LINGO2: variants seen among roughly 807,000 people sequenced by gnomAD.
LINGO2 encodes leucine rich repeat and Ig domain containing 2.
Under a neutral mutation model 30.6 loss-of-function variants are expected in LINGO2, and 14 were observed. The observed-to-expected ratio is 0.46, with a 90% CI of 0.30 to 0.72. The LOEUF is 0.72. LINGO2 is among the 30% of genes least tolerant of loss of function. The probability of loss-of-function intolerance (pLI) is 0.07; values close to 1 mark genes in which losing one functional copy is unlikely to be tolerated. For missense variants in LINGO2, 729 were observed against 751.7 expected (o/e 0.97, Z 0.35); for synonymous variants, 317 against 288.5 (o/e 1.10, Z -1.00).
chr9:27,997,643 A>C (rs1364754993), intron 5 of LINGO2, among the ~76,000 whole-genome samples: 1 of 152,220 alleles, frequency 6.6e-6, no homozygotes, highest in Non-Finnish European at 1.5e-5. Context: ...ATTTGCTTTT[A>C]TGAGTTTGCA....
At chr9:28,943,576 G>C in the LINGO2 span, among the ~76,000 whole-genome samples, 1 of 152,284 alleles carries the variant, frequency 6.6e-6, no homozygotes, top group Admixed American at 6.5e-5. Flanking sequence ...GTTAAGAAAG[G>C]CAAGGACTCT....
the LINGO2 span, among the ~76,000 whole-genome samples, chr9:28,761,587 G>C: frequency 6.6e-6 from 1 of 151,800 alleles, no homozygotes; most frequent in African/African-American, 2.4e-5. Flanking sequence ...ATAGTCTGAA[G>C]AAGATAATGT....
At chr9:28,360,282 G>T (rs1256091586) in intron 3 of LINGO2, among the ~76,000 whole-genome samples, 2 of 152,130 alleles carry the variant, frequency 1.3e-5, no homozygotes, top group African/African-American at 4.8e-5. Context: ...GCCAGAGAAA[G>T]GACTCCATCT....
chr9:28,674,219 A>C (rs1021442676), upstream of LINGO2, among the ~76,000 whole-genome samples: 2 of 152,058 alleles, frequency 1.3e-5, no homozygotes, highest in African/African-American at 4.8e-5. Context: ...ATGTAAATGC[A>C]ATTTATAAAA....
At chr9:28,435,408 A>G (rs750239933) in intron 2 of LINGO2, among the ~76,000 whole-genome samples, 11 of 152,204 alleles carry the variant, frequency 7.2e-5, no homozygotes, top group Non-Finnish European at 1.0e-4. Flanking sequence ...AAAACTTCTA[A>G]ATTAGCAAAA....
chr9:28,736,644 T>C, the LINGO2 span, among the ~76,000 whole-genome samples: 1 of 151,890 alleles, frequency 6.6e-6, no homozygotes, highest in Non-Finnish European at 1.5e-5. Flanking sequence ...TACAAAAAAT[T>C]AGCCGGGTGT....
intron 4 of LINGO2, among the ~76,000 whole-genome samples, chr9:28,259,282 C>A (rs1822485985): frequency 6.6e-6 from 1 of 151,970 alleles, no homozygotes; most frequent in Non-Finnish European, 1.5e-5. Flanking sequence ...AAGAATTAAC[C>A]TGCTTAAATG....
At chr9:28,078,286 T>C (rs1177278931) in intron 4 of LINGO2, among the ~76,000 whole-genome samples, 5 of 148,886 alleles carry the variant, frequency 3.4e-5, no homozygotes, top group Non-Finnish European at 7.4e-5. Flanking sequence ...GCAGGGCAAC[T>C]GAGAGGATGT....
chr9:28,684,118 G>T, the LINGO2 span, among the ~76,000 whole-genome samples: 1 of 132,084 alleles, frequency 7.6e-6, no homozygotes, highest in African/African-American at 2.8e-5. Context: ...TATTTCCATT[G>T]TATGCATCAA....
At chr9:27,982,412 C>T (rs896698871) in intron 5 of LINGO2, among the ~76,000 whole-genome samples, 1 of 151,772 alleles carries the variant, frequency 6.6e-6, no homozygotes, top group Non-Finnish European at 1.5e-5. Context: ...TATAGACATA[C>T]ATATAAACAC....
At chr9:28,321,869 A>G (rs1825055797) in intron 3 of LINGO2, among the ~76,000 whole-genome samples, 1 of 152,166 alleles carries the variant, frequency 6.6e-6, no homozygotes, top group South Asian at 2.1e-4. Flanking sequence ...GGATGTTAGG[A>G]CAGGCGATGG....
chr9:28,919,204 G>C, the LINGO2 span, among the ~76,000 whole-genome samples: 2 of 152,108 alleles, frequency 1.3e-5, no homozygotes, highest in African/African-American at 4.8e-5. Context: ...CATTATTAAT[G>C]AAGTGAAGCT....
At chr9:29,041,158 C>T in the LINGO2 span, among the ~76,000 whole-genome samples, 6 of 151,926 alleles carry the variant, frequency 3.9e-5, no homozygotes, top group Admixed American at 6.6e-5. Flanking sequence ...TTCACTCTTG[C>T]TTGCAATGAT....
chr9:28,093,458 C>A (rs1335991377), intron 4 of LINGO2, among the ~76,000 whole-genome samples: 1 of 152,016 alleles, frequency 6.6e-6, no homozygotes, highest in Non-Finnish European at 1.5e-5. Flanking sequence ...CACTGCGAAA[C>A]TTAAAGGAAG....
chr9:29,128,524 A>G, the LINGO2 span, among the ~76,000 whole-genome samples: 1 of 152,166 alleles, frequency 6.6e-6, no homozygotes, highest in East Asian at 1.9e-4. Context: ...AGTTGCATGT[A>G]TACAGGCTTT....
chr9:28,279,321 A>G (rs1370273071), intron 4 of LINGO2, among the ~76,000 whole-genome samples: 2 of 152,246 alleles, frequency 1.3e-5, no homozygotes, highest in East Asian at 3.8e-4. Flanking sequence ...TTCTGAAAGA[A>G]ATTCTATTGT....
At chr9:28,585,991 C>T (rs1199015005) in intron 1 of LINGO2, among the ~76,000 whole-genome samples, 1 of 151,470 alleles carries the variant, frequency 6.6e-6, no homozygotes. Context: ...CTGGTCAGCC[C>T]TGGCTTCTGT....
At chr9:28,838,729 C>A in the LINGO2 span, among the ~76,000 whole-genome samples, 1 of 152,190 alleles carries the variant, frequency 6.6e-6, no homozygotes, top group Non-Finnish European at 1.5e-5. Flanking sequence ...TGGCCAGTGG[C>A]GCCTTTGCCT....
chr9:28,627,777 T>C (rs7852553), intron 1 of LINGO2, among the ~76,000 whole-genome samples: 5,062 of 152,082 alleles, frequency 0.033, 280 homozygotes, highest in African/African-American at 0.11. Flanking sequence ...ATTGTGTAAT[T>C]AAAAATATGC....
Sources: gnomAD v4.1 joint callset for allele counts (sites outside exome capture counted in the v4.1 genomes callset) on GRCh38, gnomAD v4.1.1 for gene constraint, MANE v1.5 for transcripts, NCBI Gene and HGNC (gene_info 2026-07-23, HGNC 2026-07-21) for gene names.